BCAR3: variants seen among roughly 807,000 people sequenced by gnomAD.
BCAR3 encodes breast cancer anti-estrogen resistance protein 3.
In BCAR3, 37 loss-of-function variants were observed where a neutral mutation model predicts 80.1. The ratio of observed to expected loss-of-function variants is 0.46; its 90% CI spans 0.36 to 0.61. The LOEUF is 0.61. Ranked by LOEUF, BCAR3 falls within the 20% of genes least tolerant of loss-of-function variation. The pLI is 0.00. For synonymous variants in BCAR3, 389 were observed against 418.9 expected (o/e 0.93, Z 0.87); for missense variants, 978 against 1,068.2 (o/e 0.92, Z 1.18).
intron 3 of BCAR3, among the ~76,000 whole-genome samples, chr1:93,691,748 G>A (rs1649198859): frequency 6.6e-6 from 1 of 152,008 alleles, no homozygotes; most frequent in Non-Finnish European, 1.5e-5. Context: ...GCAAAGTAAG[G>A]GTCATTATCC....
intron 2 of BCAR3, among the ~76,000 whole-genome samples, chr1:93,644,676 C>T (rs1421451640): frequency 1.3e-5 from 2 of 152,128 alleles, no homozygotes; most frequent in African/African-American, 2.4e-5. Context: ...TTTTCATTGA[C>T]AATAATTTGA....
At chr1:93,570,578 A>T (rs1673171879) in intron 9 of BCAR3, among the ~76,000 whole-genome samples, 1 of 152,226 alleles carries the variant, frequency 6.6e-6, no homozygotes, top group Non-Finnish European at 1.5e-5. Flanking sequence ...TCAAATGCCC[A>T]GTTTCAGAAA....
intron 2 of BCAR3, among the ~76,000 whole-genome samples, chr1:93,650,258 G>A (rs932765422): frequency 5.9e-5 from 9 of 152,242 alleles, no homozygotes; most frequent in Non-Finnish European, 8.8e-5. Context: ...GGTGGCAAGC[G>A]CCTGTAATCC....
chr1:93,759,734 GA>G (rs747613559), intron 2 of BCAR3, among the ~76,000 whole-genome samples: 12 of 152,156 alleles, frequency 7.9e-5, no homozygotes, highest in Non-Finnish European at 4.4e-5. Context: ...ATAAGAAAGA[GA>G]AAATGATAGC....
At chr1:93,785,179 C>T (rs1475562629) in intron 2 of BCAR3, among the ~76,000 whole-genome samples, 1 of 152,142 alleles carries the variant, frequency 6.6e-6, no homozygotes, top group East Asian at 1.9e-4. Context: ...AAAAGAAACC[C>T]CAAAATGTAG....
intron 3 of BCAR3, among the ~76,000 whole-genome samples, chr1:93,637,395 T>C (rs910682330): frequency 1.3e-5 from 2 of 152,084 alleles, no homozygotes; most frequent in Non-Finnish European, 2.9e-5. Context: ...CCTCAGGCGA[T>C]CCACCCACCT....
At chr1:93,827,527 A>G (rs544074332) in intron 2 of BCAR3, among the ~76,000 whole-genome samples, 10 of 151,854 alleles carry the variant, frequency 6.6e-5, no homozygotes, top group Admixed American at 1.3e-4. Context: ...AGCATTTTGG[A>G]GCTGGGCAGG....
intron 3 of BCAR3, among the ~76,000 whole-genome samples, chr1:93,608,449 G>A (rs1284198100): frequency 6.6e-6 from 1 of 152,234 alleles, no homozygotes; most frequent in Non-Finnish European, 1.5e-5. Context: ...GGTCCCCCGT[G>A]CACTGCTGAC....
At chr1:93,745,538 A>G (rs755888912) in intron 2 of BCAR3, among the ~76,000 whole-genome samples, 9 of 152,154 alleles carry the variant, frequency 5.9e-5, no homozygotes, top group African/African-American at 2.2e-4. Context: ...CTTCTCCTCA[A>G]TGAATCCCCT....
chr1:93,828,796 G>A (rs1244163593), intron 2 of BCAR3, among the ~76,000 whole-genome samples: 1 of 152,114 alleles, frequency 6.6e-6, no homozygotes, highest in African/African-American at 2.4e-5. Flanking sequence ...CTGGGTTCAA[G>A]CAATCCGTGT....
At chr1:93,757,970 AC>A (rs899811595) in intron 2 of BCAR3, among the ~76,000 whole-genome samples, 3 of 152,302 alleles carry the variant, frequency 2.0e-5, no homozygotes, top group Non-Finnish European at 4.4e-5. Flanking sequence ...AACTGATCTC[AC>A]GGGGAGCTCT....
At chr1:93,825,104 A>C (rs1654333911) in intron 2 of BCAR3, among the ~76,000 whole-genome samples, 1 of 134,232 alleles carries the variant, frequency 7.4e-6, no homozygotes, top group African/African-American at 2.5e-5. Context: ...TGGGTGACGT[A>C]TAACATTACC....
intron 5 of BCAR3, among the ~76,000 whole-genome samples, chr1:93,584,756 C>T (rs1358711892): frequency 6.6e-6 from 1 of 152,210 alleles, no homozygotes; most frequent in Non-Finnish European, 1.5e-5. Flanking sequence ...TGTGTAACCA[C>T]ACAAGGAAAA....
At chr1:93,693,859 T>C (rs1380460924) in intron 3 of BCAR3, among the ~76,000 whole-genome samples, 1 of 152,174 alleles carries the variant, frequency 6.6e-6, no homozygotes, top group Non-Finnish European at 1.5e-5. Flanking sequence ...TGCTCTGGGC[T>C]CTCAGTGTGG....
intron 3 of BCAR3, among the ~76,000 whole-genome samples, chr1:93,692,804 A>T (rs1466595545): frequency 1.3e-5 from 2 of 152,134 alleles, no homozygotes; most frequent in African/African-American, 4.8e-5. Flanking sequence ...ATCTTAAGAG[A>T]AGCAAGCAAG....
intron 3 of BCAR3, among the ~76,000 whole-genome samples, chr1:93,638,297 G>T (rs1472742725): frequency 2.0e-5 from 3 of 152,158 alleles, no homozygotes; most frequent in Non-Finnish European, 4.4e-5. Context: ...CTGGGGTGGG[G>T]GGTCTCAGGG....
At chr1:93,665,373 T>G (rs1476228453) in intron 2 of BCAR3, among the ~76,000 whole-genome samples, 1 of 152,006 alleles carries the variant, frequency 6.6e-6, no homozygotes, top group Non-Finnish European at 1.5e-5. Context: ...AATGGCAAGA[T>G]AGTCTCCTAT....
Position 93,589,301 on chromosome 1 carries a change from T to C in BCAR3, c.605A>G (p.Asn202Ser), listed in dbSNP as rs2101845002. ...WKNLAQHFKI[N>S]RTVLRLSEAY... is the part of the protein sequence containing the mutation. ...CTCGCTGAGTCGCAGAACTGTCCGG[T>C]TGATTTTGAAGTGCTGAGCGAGGTT... The change falls in exon 5 of 12, where the codon AAC becomes AGC. Residue 202 changes from asparagine (N) to serine (S), a missense_variant. Asn to Ser is a conservative substitution (Grantham distance 46). Coordinates refer to ENST00000260502, the MANE Select transcript of BCAR3 (RefSeq NM_003567.4). 1 of 1,613,978 alleles carries C rather than the reference T, an allele frequency of 6.2e-7. No individual in the cohort carries two copies. The highest frequency in any genetic ancestry group is 8.5e-7 in the Non-Finnish European group (1 of 1,179,992).
At chr1:93,760,650 G>C (rs1453200281) in intron 2 of BCAR3, among the ~76,000 whole-genome samples, 1 of 151,964 alleles carries the variant, frequency 6.6e-6, no homozygotes, top group African/African-American at 2.4e-5. Flanking sequence ...ATGTCACTAG[G>C]AAGTGTAAGG....
Sources: gnomAD v4.1 joint callset for allele counts (sites outside exome capture counted in the v4.1 genomes callset) on GRCh38, gnomAD v4.1.1 for gene constraint, MANE v1.5 for transcripts, NCBI Gene and HGNC (gene_info 2026-07-23, HGNC 2026-07-21) for gene names.